Variants in TNS3 observed in about 807,000 individuals in gnomAD.
The protein encoded by TNS3 is tensin 3, also known as tensin-3.
TNS3 carries 45 observed loss-of-function variants against 140.9 expected under a neutral mutation model. The ratio of observed to expected loss-of-function variants is 0.32; its 90% CI spans 0.25 to 0.41. The LOEUF is 0.41. TNS3 is among the 10% of genes least tolerant of loss of function. The pLI is 1.00. For missense variants in TNS3, 1,716 were observed against 1,906.7 expected (o/e 0.90, Z 1.86); for synonymous variants, 815 against 788.4 (o/e 1.03, Z -0.56).
At chr7:47,320,661 G>A (rs987737753) in intron 20 of TNS3, among the ~76,000 whole-genome samples, 7 of 152,192 alleles carry the variant, frequency 4.6e-5, no homozygotes, top group Non-Finnish European at 1.0e-4. Context: ...CATGTTGGAT[G>A]AGGGCTCACC....
At chr7:47,281,346 C>G (rs1326762659) in intron 28 of TNS3, among the ~76,000 whole-genome samples, 1 of 152,218 alleles carries the variant, frequency 6.6e-6, no homozygotes, top group Non-Finnish European at 1.5e-5. Flanking sequence ...TCCACATGGT[C>G]CCCAGAGGAT....
chr7:47,303,652 G>T (rs1052712332), intron 21 of TNS3, 68 bp from the exon 22 acceptor site: 1 of 1,479,310 alleles, frequency 6.8e-7, no homozygotes, highest in Non-Finnish European at 9.0e-7. Context: ...ACCAGCAAGC[G>T]TCACCCACAC....
chr7:47,581,379 GCGTAAAGACCCCCTGCCTCCCA>G (rs1182349911), intron 1 of TNS3: 1 of 145,108 alleles, frequency 6.9e-6, no homozygotes, highest in Admixed American at 7.2e-5. Flanking sequence ...AAAAGGAAGC[GCGTAAAGACCCCCTGCCTCCCA>G]CCCACCAAAG....
intron 1 of TNS3, among the ~76,000 whole-genome samples, chr7:47,568,658 A>G (rs964980427): frequency 6.6e-6 from 1 of 152,250 alleles, no homozygotes. Context: ...TCTTCTATGC[A>G]TGGCAACAAG....
intron 2 of TNS3, among the ~76,000 whole-genome samples, chr7:47,524,804 G>A (rs1445039589): frequency 2.2e-5 from 1 of 46,140 alleles, no homozygotes; most frequent in Non-Finnish European, 3.2e-5. Flanking sequence ...GCGAGACTCC[G>A]TCTCAAGAAA....
At chr7:47,533,157 G>T (rs1452918483) in intron 1 of TNS3, among the ~76,000 whole-genome samples, 1 of 89,846 alleles carries the variant, frequency 1.1e-5, no homozygotes, top group Non-Finnish European at 2.0e-5. Flanking sequence ...TTTTGAGACA[G>T]AGTCTCGCTC....
At chr7:47,280,025 C>T in intron 30 of TNS3, 139 bp downstream of exon 30, 2 of 1,032,188 alleles carry the variant, frequency 1.9e-6, no homozygotes, top group Middle Eastern at 3.2e-4. Context: ...AACACTTTTA[C>T]TTTTTTCTTT....
At chr7:47,376,297 G>A (rs1791381397) in intron 16 of TNS3, among the ~76,000 whole-genome samples, 1 of 152,206 alleles carries the variant, frequency 6.6e-6, no homozygotes, top group South Asian at 2.1e-4. Context: ...AGCAGTGTGT[G>A]AGAAGAAAGG....
chr7:47,363,607 T>G (rs1462587987), intron 17 of TNS3, among the ~76,000 whole-genome samples: 1 of 152,144 alleles, frequency 6.6e-6, no homozygotes, highest in Non-Finnish European at 1.5e-5. Flanking sequence ...ACAGTCAGAA[T>G]TAAGAAAGTT....
intron 16 of TNS3, among the ~76,000 whole-genome samples, chr7:47,382,799 A>G (rs996768300): frequency 2.6e-5 from 4 of 152,112 alleles, no homozygotes; most frequent in African/African-American, 9.7e-5. Context: ...AATACACCGT[A>G]TTTTCAATCT....
chr7:47,324,425 G>A (rs908392143), intron 20 of TNS3, among the ~76,000 whole-genome samples: 2 of 152,184 alleles, frequency 1.3e-5, no homozygotes, highest in African/African-American at 2.4e-5. Flanking sequence ...CACAAACATG[G>A]CTTTCTCTCC....
At chr7:47,327,508 C>A (rs948754715) in intron 20 of TNS3, among the ~76,000 whole-genome samples, 1 of 152,144 alleles carries the variant, frequency 6.6e-6, no homozygotes, top group African/African-American at 2.4e-5. Flanking sequence ...GGGGTGGGGG[C>A]GGTGACAGCC....
At chr7:47,524,741 G>C (rs1449965488) in intron 2 of TNS3, among the ~76,000 whole-genome samples, 4 of 141,974 alleles carry the variant, frequency 2.8e-5, no homozygotes, top group Non-Finnish European at 1.5e-5. Context: ...GGCGGAGCTT[G>C]CAGTGAGCCG....
chr7:47,475,513 G>A (rs560153975), intron 4 of TNS3, among the ~76,000 whole-genome samples: 33 of 131,098 alleles, frequency 2.5e-4, no homozygotes, highest in Non-Finnish European at 4.3e-4. Flanking sequence ...TGGCCCCTCT[G>A]TAAACAGGCG....
chr7:47,527,894 G>A (rs73097626), intron 2 of TNS3, among the ~76,000 whole-genome samples: 3,378 of 149,890 alleles, frequency 0.023, 49 homozygotes, highest in Middle Eastern at 0.058. Context: ...ATGACAGAGC[G>A]AGACCCTGTC....
Position 47,396,808 on chromosome 7 carries a change from T to C in TNS3, c.1016A>G (p.Asp339Gly), listed in dbSNP as rs201907786. 105 of 1,613,806 alleles carry C rather than the reference T, an allele frequency of 6.5e-5. No individual in the cohort carries two copies. The highest frequency in any genetic ancestry group is 5.0e-4 in the Middle Eastern group (3 of 6,060). ...AAGATGAACACACGCACCTTCTCCATCTGCACTGAGGTTCTCGTACGAGTC... is the reference window on the plus strand; with the variant it reads ...AAGATGAACACACGCACCTTCTCCACCTGCACTGAGGTTCTCGTACGAGTC... ...RWDSYENLSA[D>G]GEVLHTQGPV... Residue 339 changes from aspartate to glycine, a missense_variant, in exon 16 of 31, where the codon GAT becomes GGT. By Grantham distance (94) the Asp-to-Gly change is moderately conservative (BLOSUM62 -1). This residue lies in a region of TNS3 where 1,163 missense variants were observed against 1,182.1 expected (regional missense o/e 0.98). Coordinates refer to ENST00000311160, the MANE Select transcript of TNS3 (RefSeq NM_022748.12).
chr7:47,365,772 A>T (rs1790662071), intron 17 of TNS3, among the ~76,000 whole-genome samples: 1 of 152,080 alleles, frequency 6.6e-6, no homozygotes, highest in African/African-American at 2.4e-5. Flanking sequence ...AAAAATAAAT[A>T]AAAAAATAAA....
intron 17 of TNS3, among the ~76,000 whole-genome samples, chr7:47,347,520 TG>T (rs1015342042): frequency 3.3e-5 from 5 of 151,836 alleles, no homozygotes; most frequent in Admixed American, 2.0e-4. Context: ...GTCTGCAGCA[TG>T]GGGGGGCTCC....
chr7:47,465,121 T>C (rs1422211972), intron 4 of TNS3, among the ~76,000 whole-genome samples: 2 of 152,264 alleles, frequency 1.3e-5, no homozygotes, highest in African/African-American at 4.8e-5. Context: ...CAGAATGATT[T>C]CTTTAAAGGC....
Sources: allele counts gnomAD v4.1 joint callset (sites outside exome capture counted in the v4.1 genomes callset), GRCh38; gene constraint gnomAD v4.1.1; regional missense constraint gnomAD v4.1.1; transcripts MANE v1.5; gene names NCBI Gene and HGNC (gene_info 2026-07-23, HGNC 2026-07-21).